The following ADAMTSL1 variants were observed in gnomAD, a reference collection of about 807,000 sequenced individuals.
ADAMTSL1 encodes the protein ADAMTS like 1, also known as ADAMTS-like protein 1.
Under a neutral mutation model 201.8 loss-of-function variants are expected in ADAMTSL1, and 126 were observed. The ratio of observed to expected loss-of-function variants is 0.62; its 90% confidence interval spans 0.54 to 0.72. The LOEUF is 0.72. Ranked by LOEUF, ADAMTSL1 falls within the 30% of genes least tolerant of loss-of-function variation. The pLI is 0.00. For synonymous variants in ADAMTSL1, 1,121 were observed against 903.4 expected, an observed-to-expected ratio of 1.24 and a Z score of -4.32; for missense variants, 2,679 against 2,277.8, an observed-to-expected ratio of 1.18 and a Z score of -3.59.
At chr9:18,135,024 A>G (rs954183275) in intron 1 of ADAMTSL1, among the ~76,000 whole-genome samples, 3 of 152,184 alleles carry the variant, frequency 2.0e-5, no homozygotes, top group African/African-American at 4.8e-5. Context: ...AAGGGAATCA[A>G]TACTGCCATT....
At chr9:18,577,896 A>G (rs564528639) in intron 4 of ADAMTSL1, among the ~76,000 whole-genome samples, 2 of 152,180 alleles carry the variant, frequency 1.3e-5, no homozygotes, top group African/African-American at 4.8e-5. Flanking sequence ...ATCACAAGGA[A>G]GTAGTAAGAA....
chr9:18,702,653 G>A (rs2133309117), intron 13 of ADAMTSL1, among the ~76,000 whole-genome samples: 1 of 152,220 alleles, frequency 6.6e-6, no homozygotes, highest in Non-Finnish European at 1.5e-5. Context: ...GAGAAGGAAA[G>A]ACTAAATACA....
chr9:18,197,247 T>C (rs924106131), intron 2 of ADAMTSL1, among the ~76,000 whole-genome samples: 3 of 152,136 alleles, frequency 2.0e-5, no homozygotes, highest in Non-Finnish European at 4.4e-5. Context: ...GGGATGGCAT[T>C]GAATCTGTAA....
chr9:18,565,380 A>G (rs1821814716), intron 3 of ADAMTSL1, among the ~76,000 whole-genome samples: 1 of 152,208 alleles, frequency 6.6e-6, no homozygotes, highest in South Asian at 2.1e-4. Context: ...AAGATGGTTA[A>G]TGACTAATTT....
chr9:18,072,263 T>C (rs960898566), intron 1 of ADAMTSL1, among the ~76,000 whole-genome samples: 9 of 152,222 alleles, frequency 5.9e-5, no homozygotes, highest in Non-Finnish European at 1.0e-4. Flanking sequence ...CTTACCACTG[T>C]TATGCGAAAC....
At chr9:18,345,144 G>A (rs1184657226) in intron 2 of ADAMTSL1, among the ~76,000 whole-genome samples, 1 of 152,034 alleles carries the variant, frequency 6.6e-6, no homozygotes, top group Non-Finnish European at 1.5e-5. Flanking sequence ...GGATCTAAGT[G>A]TCTGTCAAGC....
intron 1 of ADAMTSL1, among the ~76,000 whole-genome samples, chr9:18,050,370 C>A (rs1421094712): frequency 6.6e-6 from 1 of 151,966 alleles, no homozygotes; most frequent in Admixed American, 6.6e-5. Context: ...TTATTGAATA[C>A]TTGGGTTGGA....
At chr9:17,996,332 TG>T (rs1328357181) in intron 1 of ADAMTSL1, among the ~76,000 whole-genome samples, 1 of 152,060 alleles carries the variant, frequency 6.6e-6, no homozygotes, top group Non-Finnish European at 1.5e-5. Flanking sequence ...TTTACTTCCT[TG>T]GCACACAAAC....
rs550161972 is a variant in ADAMTSL1, at chr9:18,401,808, T to C, written c.208-103021T>C. On this transcript the variant is annotated intron_variant, in intron 2 of 29. Transcript: ENST00000680146. ...GTTCAGGGAGAGGAAGCTGTTCGCG[T>C]GATCTCAGCTGTGCTTCTGATATGC... 2.6e-5 allele frequency among the ~76,000 whole-genome samples: 4 copies of C among 152,314 alleles called. No homozygotes were observed. In the South Asian group the frequency reaches 8.3e-4, roughly 32 times the overall value.
chr9:18,840,731 C>T (rs1439133883), intron 23 of ADAMTSL1, among the ~76,000 whole-genome samples: 1 of 150,856 alleles, frequency 6.6e-6, no homozygotes, highest in African/African-American at 2.4e-5. Context: ...GTTTGTAGTT[C>T]TCCTTGAAGA....
At chr9:18,069,900 G>C (rs1367668670) in intron 1 of ADAMTSL1, among the ~76,000 whole-genome samples, 1 of 152,182 alleles carries the variant, frequency 6.6e-6, no homozygotes. Flanking sequence ...CATATATTAT[G>C]GGATTTGGTG....
intron 1 of ADAMTSL1, among the ~76,000 whole-genome samples, chr9:17,979,710 G>A (rs1464308563): frequency 6.6e-6 from 1 of 152,050 alleles, no homozygotes; most frequent in African/African-American, 2.4e-5. Flanking sequence ...CTGCTTTTCT[G>A]TGGCTCTGGT....
chr9:17,960,681 G>C (rs76296498), intron 1 of ADAMTSL1, among the ~76,000 whole-genome samples: 1,887 of 152,286 alleles, frequency 0.012, 38 homozygotes, highest in African/African-American at 0.044. Context: ...GGGCAAGAAA[G>C]ATGTTCTTTT....
intron 1 of ADAMTSL1, among the ~76,000 whole-genome samples, chr9:18,154,328 C>G (rs998378516): frequency 6.6e-6 from 1 of 152,000 alleles, no homozygotes; most frequent in South Asian, 2.1e-4. Flanking sequence ...TTCTTCTGCT[C>G]CTTGTGCATC....
At chr9:18,758,386 A>G (rs1819888018) in intron 16 of ADAMTSL1, among the ~76,000 whole-genome samples, 1 of 152,202 alleles carries the variant, frequency 6.6e-6, no homozygotes, top group South Asian at 2.1e-4. Context: ...AAAAATTACC[A>G]CAAACTTGGT....
intron 1 of ADAMTSL1, among the ~76,000 whole-genome samples, chr9:18,049,221 T>C (rs903820815): frequency 1.3e-5 from 2 of 152,190 alleles, no homozygotes; most frequent in African/African-American, 2.4e-5. Context: ...CCAGTTACCA[T>C]GGGTTAGGAC....
chr9:18,790,536 C>A (rs1821967815), intron 19 of ADAMTSL1, among the ~76,000 whole-genome samples: 1 of 152,186 alleles, frequency 6.6e-6, no homozygotes, highest in Non-Finnish European at 1.5e-5. Flanking sequence ...ACTACACATT[C>A]CAAATGCAGA....
chr9:18,329,160 C>A (rs1402293902), intron 2 of ADAMTSL1, among the ~76,000 whole-genome samples: 1 of 152,126 alleles, frequency 6.6e-6, no homozygotes, highest in South Asian at 2.1e-4. Flanking sequence ...AGCTCCTTTG[C>A]CCCTTCTACC....
At chr9:18,473,225 G>T (rs79613278), upstream of ADAMTSL1, among the ~76,000 whole-genome samples, 25 of 152,340 alleles carry the variant, frequency 1.6e-4, no homozygotes, top group East Asian at 4.8e-3. Flanking sequence ...TTGGTTAAAA[G>T]AAGGTTTGGG....
Sources: gnomAD v4.1 joint callset for allele counts (sites outside exome capture counted in the v4.1 genomes callset) on GRCh38, gnomAD v4.1.1 for gene constraint, MANE v1.5 for transcripts, NCBI Gene and HGNC (gene_info 2026-07-23, HGNC 2026-07-21) for gene names.